Variants in GRB10 observed in about 807,000 individuals in gnomAD.
GRB10 encodes the protein growth factor receptor-bound protein 10.
A neutral mutation model predicts 80.9 loss-of-function variants in GRB10; 20 were observed. The observed-to-expected ratio is 0.25, with a 90% CI of 0.17 to 0.36. The LOEUF (loss-of-function observed/expected upper bound fraction) is 0.36. Ranked by LOEUF, GRB10 falls within the 10% of genes least tolerant of loss-of-function variation. GRB10 has a pLI of 1.00. For missense variants in GRB10, 548 were observed against 747.7 expected (o/e 0.73, Z 3.12); for synonymous variants, 291 against 291.5 (o/e 1.00, Z 0.02).
chr7:50,614,285 CACACGTGTGTGT>C (rs911817785), intron 12 of GRB10, among the ~76,000 whole-genome samples: 1 of 152,132 alleles, frequency 6.6e-6, no homozygotes, highest in African/African-American at 2.4e-5. Flanking sequence ...GATGTGTGTG[CACACGTGTGTGT>C]GCATGCCAGC....
At chr7:50,594,959 T>C (rs1285182524) in intron 18 of GRB10, among the ~76,000 whole-genome samples, 1 of 152,118 alleles carries the variant, frequency 6.6e-6, no homozygotes, top group African/African-American at 2.4e-5. Flanking sequence ...CCAGGACAAA[T>C]TACAAGACTC....
intron 5 of GRB10, among the ~76,000 whole-genome samples, chr7:50,676,809 C>T (rs1421343796): frequency 6.6e-6 from 1 of 152,116 alleles, no homozygotes; most frequent in African/African-American, 2.4e-5. Context: ...GCTTGGGCTT[C>T]TGGAGTGGGT....
rs562971357 is a variant in GRB10 at position 50,594,817 on chromosome 7, T to C, written c.1638+620A>G. On this transcript the variant is annotated intron_variant, in intron 18 of 18. Transcript: ENST00000401949. ...TGTCAAAAAAAGTAGTGTTGATTAATGTATTCTGTAATGAAGTTTTTGGAA... is the reference window on the plus strand; with the variant it reads ...TGTCAAAAAAAGTAGTGTTGATTAACGTATTCTGTAATGAAGTTTTTGGAA... Among the ~76,000 whole-genome samples the C allele has an allele frequency of 2.6e-5, 4 of 152,316 alleles. No individual in the cohort carries two copies. In the South Asian group the frequency reaches 8.3e-4, roughly 32 times the overall value.
At chr7:50,742,269 GCGCACACACACACACACACACACACA>G (rs1378375902) in intron 3 of GRB10, among the ~76,000 whole-genome samples, 2 of 32,640 alleles carry the variant, frequency 6.1e-5, no homozygotes, top group African/African-American at 7.5e-5. Context: ...GCACGCGCGC[GCGCACACACACACACACACACACACA>G]CACACACACA....
intron 5 of GRB10, among the ~76,000 whole-genome samples, chr7:50,697,735 A>G (rs1274637406): frequency 6.6e-6 from 1 of 152,238 alleles, no homozygotes; most frequent in Admixed American, 6.5e-5. Context: ...GTTAAAAAGA[A>G]TCCCCAAAGT....
chr7:50,711,813 A>T (rs1286450393), intron 4 of GRB10, among the ~76,000 whole-genome samples: 1 of 152,152 alleles, frequency 6.6e-6, no homozygotes, highest in Non-Finnish European at 1.5e-5. Flanking sequence ...GGTTTCTACT[A>T]ATATTATAGT....
At chr7:50,726,792 A>T (rs1166993556) in intron 4 of GRB10, 1 of 152,246 alleles carries the variant, frequency 6.6e-6, no homozygotes, top group Non-Finnish European at 1.5e-5. Flanking sequence ...ATTGCAGGAT[A>T]CAAATTCTAT....
chr7:50,704,751 C>T (rs922342086), intron 4 of GRB10, among the ~76,000 whole-genome samples: 1 of 152,222 alleles, frequency 6.6e-6, no homozygotes, highest in African/African-American at 2.4e-5. Context: ...AACTGAAGCA[C>T]GTGAAACATC....
At position 50,604,386 on chromosome 7, in the gene GRB10, G is replaced by T. The variant is rs1156719127; in HGVS notation, c.1390-9C>A. The T allele has an allele frequency of 1.2e-6, 2 of 1,610,312 alleles. No homozygotes were observed. Among genetic ancestry groups the T allele is most frequent in the Non-Finnish European group, 1.7e-6 (2 of 1,177,608 alleles). Reference sequence around the variant, plus strand: ...ATCCGTGTGCTTCGCTTCTGCAAAAGAAATCCCACATTAGCACCGAGGACA... The same window carrying T: ...ATCCGTGTGCTTCGCTTCTGCAAAATAAATCCCACATTAGCACCGAGGACA... On this transcript the variant is annotated splice_polypyrimidine_tract_variant and intron_variant, in intron 15 of 18. Coordinates refer to ENST00000401949, the MANE Select transcript of GRB10 (RefSeq NM_001350814.2).
chr7:50,683,188 C>T (rs185035894), intron 5 of GRB10, among the ~76,000 whole-genome samples: 5 of 152,236 alleles, frequency 3.3e-5, no homozygotes, highest in South Asian at 2.1e-4. Context: ...CTCAGAAGAA[C>T]CTTGAGGACA....
At chr7:50,748,331 G>A (rs2073388986) in intron 3 of GRB10, among the ~76,000 whole-genome samples, 1 of 152,236 alleles carries the variant, frequency 6.6e-6, no homozygotes, top group Non-Finnish European at 1.5e-5. Flanking sequence ...ACACCTACCT[G>A]CTATAGGCCA....
chr7:50,674,969 C>A (rs141875817), intron 5 of GRB10, among the ~76,000 whole-genome samples: 4,493 of 152,286 alleles, frequency 0.03, 93 homozygotes, highest in Non-Finnish European at 0.042. Context: ...CTCCCCACCC[C>A]CTCCGGTAGG....
chr7:50,767,238 G>C (rs1328663906), intron 2 of GRB10, among the ~76,000 whole-genome samples: 1 of 152,202 alleles, frequency 6.6e-6, no homozygotes, highest in Non-Finnish European at 1.5e-5. Context: ...TGCCCGCACA[G>C]ATGCCCAAGG....
intron 4 of GRB10, among the ~76,000 whole-genome samples, chr7:50,724,533 C>A (rs1239856129): frequency 6.6e-6 from 1 of 152,146 alleles, no homozygotes; most frequent in Non-Finnish European, 1.5e-5. Flanking sequence ...CATTGTGCTA[C>A]AATGAGGGAT....
upstream of GRB10, among the ~76,000 whole-genome samples, chr7:50,783,675 C>T (rs1348700891): frequency 6.6e-6 from 1 of 152,210 alleles, no homozygotes; most frequent in East Asian, 1.9e-4. Context: ...ATTTTCTACT[C>T]CCCTCTAGCA....
At chr7:50,772,483 G>A (rs1249443962) in intron 2 of GRB10, among the ~76,000 whole-genome samples, 1 of 152,166 alleles carries the variant, frequency 6.6e-6, no homozygotes, top group African/African-American at 2.4e-5. Flanking sequence ...ATACTCAATG[G>A]CGAAATAGTG....
intron 2 of GRB10, among the ~76,000 whole-genome samples, chr7:50,771,880 G>A (rs1405740383): frequency 6.6e-6 from 1 of 152,192 alleles, no homozygotes; most frequent in Non-Finnish European, 1.5e-5. Flanking sequence ...TCTAAACGGG[G>A]CATGGGCCTT....
chr7:50,772,866 G>A (rs1261198282), intron 2 of GRB10, among the ~76,000 whole-genome samples: 1 of 152,194 alleles, frequency 6.6e-6, no homozygotes, highest in Non-Finnish European at 1.5e-5. Context: ...ACTGATAAGA[G>A]TATTAATATC....
intron 8 of GRB10, among the ~76,000 whole-genome samples, chr7:50,619,752 G>A (rs1447712908): frequency 6.6e-6 from 1 of 152,218 alleles, no homozygotes; most frequent in Non-Finnish European, 1.5e-5. Flanking sequence ...TGCCAGAAAA[G>A]ATGGTGCTGT....
Sources: allele counts gnomAD v4.1 joint callset (sites outside exome capture counted in the v4.1 genomes callset), GRCh38; gene constraint gnomAD v4.1.1; transcripts MANE v1.5; gene names NCBI Gene and HGNC (gene_info 2026-07-23, HGNC 2026-07-21).